The following CLEC17A variants were observed in gnomAD, a reference collection of about 807,000 sequenced individuals.
The protein encoded by CLEC17A is C-type lectin domain family 17, member A.
CLEC17A carries 37 observed loss-of-function variants against 61.3 expected under a neutral mutation model. That is an observed-to-expected ratio of 0.60 (90% CI 0.46 to 0.79). The LOEUF (loss-of-function observed/expected upper bound fraction) is 0.79. Among genes scored for constraint, CLEC17A ranks in the 30% least tolerant of loss-of-function variants. The pLI is 0.00. For synonymous variants in CLEC17A, 168 were observed against 164.9 expected, an observed-to-expected ratio of 1.02 and a Z score of -0.14; for missense variants, 418 against 464.7, an observed-to-expected ratio of 0.90 and a Z score of 0.92.
In CLEC17A at chr19:14,611,730, A is replaced by C. The variant is rs1041288458; in HGVS notation, c.*1534A>C. 7.9e-5 allele frequency among the ~76,000 whole-genome samples: 12 copies of C among 152,142 alleles called. No individual in the cohort carries two copies. Among genetic ancestry groups the C allele is most frequent in the Admixed American group, 1.3e-4 (2 of 15,246 alleles). On this transcript the variant is annotated 3_prime_UTR_variant, in exon 14 of 14. Transcript: ENST00000417570. The stretch of plus-strand genomic sequence containing the variant: ...ATAATTCACTTTACTTGCCAGGCAC[A>C]GTGGCTCACGCCTGTAATCCCAGCA...
chr19:14,582,052 G>T (rs1414824977), upstream of CLEC17A, among the ~76,000 whole-genome samples: 2 of 152,186 alleles, frequency 1.3e-5, no homozygotes, highest in African/African-American at 2.4e-5. Context: ...AGGCTGCAGC[G>T]TGAGAATCCA....
At chr19:14,588,099 A>G (rs1309018155) in intron 3 of CLEC17A, among the ~76,000 whole-genome samples, 1 of 151,956 alleles carries the variant, frequency 6.6e-6, no homozygotes, top group African/African-American at 2.4e-5. Flanking sequence ...CAATCTCCTC[A>G]CCTTTCTACC....
intron 13 of CLEC17A, among the ~76,000 whole-genome samples, chr19:14,608,945 G>A (rs113979155): frequency 0.11 from 16,824 of 151,678 alleles, 1,015 homozygotes; most frequent in East Asian, 0.17. Context: ...GATTACAGGC[G>A]CCCGCCACCA....
Position 14,599,777 on chromosome 19 carries a change from C to A in CLEC17A, c.707C>A (p.Thr236Asn). 1.2e-6 allele frequency: 2 copies of A among 1,613,832 alleles called. No individual in the cohort carries two copies. Among genetic ancestry groups the A allele is most frequent in the East Asian group, 4.5e-5 (2 of 44,878 alleles). Residue 236 changes from threonine (T) to asparagine (N), a missense_variant, in exon 11 of 14, where the codon ACC becomes AAC. Thr to Asn is a moderately conservative substitution (Grantham distance 65). Transcript: ENST00000417570. ...GACATTGCCCGTGTAAGAGCTGACA[C>A]CAACCAGTCCCTGGTGGAACTTTGG... ...KHDIARVRADTNQSLVELWGL... is the reference protein window; with the variant it reads ...KHDIARVRADNNQSLVELWGL...
chr19:14,587,938 G>T (rs182461581), intron 3 of CLEC17A, among the ~76,000 whole-genome samples: 2 of 152,206 alleles, frequency 1.3e-5, no homozygotes, highest in Non-Finnish European at 1.5e-5. Context: ...GGGGGACTGA[G>T]GGCTCAAATA....
chr19:14,590,989 C>G (rs553881494), intron 3 of CLEC17A, among the ~76,000 whole-genome samples: 1 of 151,726 alleles, frequency 6.6e-6, no homozygotes, highest in Non-Finnish European at 1.5e-5. Flanking sequence ...TGAGCCACTG[C>G]GCCCAGCCTA....
In CLEC17A at chr19:14,583,347, C is replaced by T. The variant is rs202194189; in HGVS notation, c.44-10C>T. The stretch of plus-strand genomic sequence containing the variant: ...AATGGCTGGGCTCTGACTTGCCTTT[C>T]CCCTGGAAGGGACCATGGAGGAGGA... On this transcript the variant is annotated splice_polypyrimidine_tract_variant and intron_variant, in intron 1 of 13. Transcript: ENST00000417570. 1 of 1,608,698 alleles carries T rather than the reference C, an allele frequency of 6.2e-7. No individual in the cohort carries two copies.
upstream of CLEC17A, among the ~76,000 whole-genome samples, chr19:14,582,362 G>A (rs1377582406): frequency 7.3e-5 from 11 of 151,686 alleles, no homozygotes; most frequent in Admixed American, 3.9e-4. Context: ...ACAGGCACCC[G>A]CCACCACACC....
chr19:14,587,794 A>C lies in CLEC17A; in HGVS notation c.199+103A>C, dbSNP rs1216484697. On this transcript the variant is annotated intron_variant, in intron 3 of 13. Coordinates refer to ENST00000417570, the MANE Select transcript of CLEC17A (RefSeq NM_001204118.2). ...GACACACAGTCAGTCTCCTCTCTACACAGCCCATGCCGGGCACTGTGGAAC... is the reference window on the plus strand; with the variant it reads ...GACACACAGTCAGTCTCCTCTCTACCCAGCCCATGCCGGGCACTGTGGAAC... 4.4e-5 allele frequency: 69 copies of C among 1,557,632 alleles called. 1 individual carries two copies. Among genetic ancestry groups the C allele is most frequent in the Admixed American group, 1.9e-4 (10 of 51,444 alleles).
intron 8 of CLEC17A, among the ~76,000 whole-genome samples, 161 bp from the exon 9 acceptor site, chr19:14,596,715 C>T (rs560577414): frequency 4.7e-4 from 71 of 152,258 alleles, no homozygotes; most frequent in Middle Eastern, 3.4e-3. Flanking sequence ...CTGAGCCTCC[C>T]CAGGGTTCAC....
At position 14,599,079 on chromosome 19, in the gene CLEC17A, C is replaced by CTTTTTTT. The variant is rs796835309; in HGVS notation, c.647-618_647-612dup. On this transcript the variant is annotated intron_variant, in intron 10 of 13. Transcript: ENST00000417570. ...CAACATACTTGCCTCTGTATCTTTG[C>CTTTTTTT]TTTTTTTTTTTTTTTTTTTTTTTTT... is the stretch of plus-strand genomic sequence containing the variant. 1.4e-4 allele frequency among the ~76,000 whole-genome samples: 8 copies of CTTTTTTT among 56,942 alleles called. 2 individuals carry two copies. The highest frequency in any genetic ancestry group is 2.0e-4 in the Admixed American group (1 of 5,104). 37.4% of individuals were successfully genotyped at this position (56,942 alleles called of 152,430 possible).
In CLEC17A at chr19:14,596,871, C is replaced by A; in HGVS notation, c.446-5C>A. On this transcript the variant is annotated splice_polypyrimidine_tract_variant and splice_region_variant and intron_variant, in intron 8 of 13. Coordinates refer to ENST00000417570, the MANE Select transcript of CLEC17A (RefSeq NM_001204118.2). The stretch of plus-strand genomic sequence containing the variant: ...AGTCTCTCTGTTCCCATCCCCACTC[C>A]CCAGCAACTCCAGTCCCCTGGCTCA... 6.2e-7 allele frequency: 1 copy of A among 1,608,144 alleles called. No individual in the cohort carries two copies. Among genetic ancestry groups the A allele is most frequent in the East Asian group, 2.2e-5 (1 of 44,510 alleles).
At chr19:14,597,575 A>G (rs1037458299) in intron 10 of CLEC17A, among the ~76,000 whole-genome samples, 2 of 151,700 alleles carry the variant, frequency 1.3e-5, no homozygotes, top group African/African-American at 4.9e-5. Context: ...TCCATCTCTA[A>G]AAAAAATTAG....
intron 2 of CLEC17A, among the ~76,000 whole-genome samples, chr19:14,586,152 T>G (rs1347259609): frequency 6.6e-6 from 1 of 150,392 alleles, no homozygotes; most frequent in Non-Finnish European, 1.5e-5. Context: ...TGAGACGGAG[T>G]TTCACTCTTG....
In CLEC17A at chr19:14,599,800, T is replaced by C; in HGVS notation, c.730T>C (p.Trp244Arg). The change falls in exon 11 of 14, where the codon TGG becomes CGG. Residue 244 changes from tryptophan to arginine, a missense_variant. By Grantham distance (101) the Trp-to-Arg change is moderately radical. Transcript: ENST00000417570. ...CACCAACCAGTCCCTGGTGGAACTT[T>C]GGGGCTTATTAGGTAAGTGAGACTT... ...ADTNQSLVELWGLLDCRRITC... is the reference protein window; with the variant it reads ...ADTNQSLVELRGLLDCRRITC... 5.6e-6 allele frequency: 9 copies of C among 1,613,474 alleles called. No homozygotes were observed. Among genetic ancestry groups the C allele is most frequent in the Non-Finnish European group, 7.6e-6 (9 of 1,179,576 alleles).
intron 13 of CLEC17A, among the ~76,000 whole-genome samples, chr19:14,607,985 C>T (rs1287881940): frequency 6.6e-6 from 1 of 152,122 alleles, no homozygotes; most frequent in Non-Finnish European, 1.5e-5. Flanking sequence ...ATCCTCCTGC[C>T]TCAGCCTCCC....
intron 1 of CLEC17A, 29 bp from the exon 2 acceptor site, chr19:14,583,328 T>C: frequency 6.2e-7 from 1 of 1,606,922 alleles, no homozygotes; most frequent in Non-Finnish European, 8.5e-7. Flanking sequence ...AGGGAATGGC[T>C]GGGCTCTGAC....
intron 4 of CLEC17A, among the ~76,000 whole-genome samples, chr19:14,593,563 G>A (rs1599545086): frequency 6.6e-6 from 1 of 151,966 alleles, no homozygotes; most frequent in Non-Finnish European, 1.5e-5. Context: ...TCAGGAGGCC[G>A]AGGTGGTAGG....
chr19:14,603,912 G>C (rs772143969), intron 12 of CLEC17A, among the ~76,000 whole-genome samples: 1 of 152,140 alleles, frequency 6.6e-6, no homozygotes, highest in Non-Finnish European at 1.5e-5. Context: ...TTGGTGCCTA[G>C]AAATAGCAAG....
Sources: allele counts gnomAD v4.1 joint callset (sites outside exome capture counted in the v4.1 genomes callset), GRCh38; gene constraint gnomAD v4.1.1; transcripts MANE v1.5; gene names NCBI Gene and HGNC (gene_info 2026-07-23, HGNC 2026-07-21).